RHOBTB3: variants seen among roughly 807,000 people sequenced by gnomAD.
RHOBTB3 encodes rho-related BTB domain-containing protein 3.
RHOBTB3 carries 47 observed loss-of-function variants against 67.2 expected under a neutral mutation model. The ratio of observed to expected loss-of-function variants is 0.70; its 90% CI spans 0.55 to 0.89. The LOEUF is 0.89. Ranked by LOEUF, RHOBTB3 falls within the 40% of genes least tolerant of loss-of-function variation. The pLI is 0.00. For missense variants in RHOBTB3, 631 were observed against 750.0 expected (o/e 0.84, Z 1.85); for synonymous variants, 273 against 274.2 (o/e 1.00, Z 0.04).
chr5:95,737,240 A>C (rs1755475966), intron 3 of RHOBTB3, among the ~76,000 whole-genome samples, 165 bp downstream of exon 3: 1 of 152,238 alleles, frequency 6.6e-6, no homozygotes, highest in African/African-American at 2.4e-5. Context: ...TAAAAAAACA[A>C]CAAAGGAGAG....
intron 5 of RHOBTB3, among the ~76,000 whole-genome samples, chr5:95,755,150 G>A (rs75885593): frequency 0.023 from 3,431 of 152,156 alleles, 110 homozygotes; most frequent in African/African-American, 0.074. Context: ...TAGTATTTGT[G>A]TGTCTGTGTT....
intron 4 of RHOBTB3, chr5:95,751,382 A>G (rs892778510): frequency 5.9e-5 from 9 of 151,884 alleles, no homozygotes; most frequent in African/African-American, 2.2e-4. Flanking sequence ...AATCCCAGTG[A>G]CTTGGAAGGC....
intron 11 of RHOBTB3, among the ~76,000 whole-genome samples, chr5:95,791,531 C>A (rs777441633): frequency 1.8e-4 from 27 of 152,078 alleles, no homozygotes; most frequent in Non-Finnish European, 3.2e-4. Flanking sequence ...CCTCTTGAAA[C>A]TTAGAGCTGA....
At chr5:95,773,623 G>T (rs907938183) in intron 8 of RHOBTB3, among the ~76,000 whole-genome samples, 4 of 152,202 alleles carry the variant, frequency 2.6e-5, no homozygotes, top group Non-Finnish European at 4.4e-5. Context: ...GATAACAAGA[G>T]GTTCTTTTTA....
intron 6 of RHOBTB3, 100 bp from the exon 7 acceptor site, chr5:95,763,403 AAAATT>A: frequency 1.5e-6 from 1 of 680,740 alleles, no homozygotes; most frequent in East Asian, 2.6e-5. Context: ...CTGGTAAAGA[AAAATT>A]AAAGCACTAA....
At chr5:95,739,606 A>G (rs1172418039) in intron 3 of RHOBTB3, among the ~76,000 whole-genome samples, 1 of 152,212 alleles carries the variant, frequency 6.6e-6, no homozygotes, top group African/African-American at 2.4e-5. Context: ...GCTGGAGTGC[A>G]GTGGCATGAT....
chr5:95,724,220 T>C (rs1279579854), intron 1 of RHOBTB3, among the ~76,000 whole-genome samples: 1 of 152,224 alleles, frequency 6.6e-6, no homozygotes, highest in African/African-American at 2.4e-5. Context: ...CTTAAAAAGA[T>C]ATGTGGAATT....
At chr5:95,763,264 G>A (rs1239375617) in intron 6 of RHOBTB3, among the ~76,000 whole-genome samples, 4 of 152,312 alleles carry the variant, frequency 2.6e-5, no homozygotes, top group Middle Eastern at 3.4e-3. Context: ...CCCACCTATT[G>A]CAGAGAGGTA....
chr5:95,768,246 T>C, intron 8 of RHOBTB3, 80 bp downstream of exon 8: 4 of 1,388,802 alleles, frequency 2.9e-6, no homozygotes, highest in East Asian at 2.3e-5. Context: ...CAGGTTTGAA[T>C]GTTTGGTGTG....
intron 8 of RHOBTB3, among the ~76,000 whole-genome samples, chr5:95,773,064 A>G (rs1382721099): frequency 6.6e-6 from 1 of 152,246 alleles, no homozygotes; most frequent in African/African-American, 2.4e-5. Flanking sequence ...GGTATCAAAC[A>G]TTATGTTAGC....
upstream of RHOBTB3, chr5:95,731,246 C>T: frequency 1.0e-6 from 1 of 1,004,864 alleles, no homozygotes; most frequent in Non-Finnish European, 1.2e-6. Flanking sequence ...GGGGCTGGCA[C>T]GTGCTGCGCC....
In RHOBTB3 at chr5:95,736,848, C is replaced by T. The variant is rs749087661; in HGVS notation, c.229-41C>T. The T allele has an allele frequency of 1.1e-5, 15 of 1,314,262 alleles. No individual in the cohort carries two copies. The African/African-American group carries it at 1.4e-4, about 12-fold the overall frequency. The allele number at this position is 1,314,262 out of a possible 1,614,324, so 81.4% of individuals were successfully genotyped here. A position where few individuals can be genotyped will look rare whatever the true frequency, so the allele number is the denominator to read the frequency against. On this transcript the variant is annotated intron_variant, in intron 2 of 11. Transcript: ENST00000379982. ...ATAAATTATTTCAGGATTGATTGGACGATAAGTAGACTAAAGATTGCTATT... is the reference window on the plus strand; with the variant it reads ...ATAAATTATTTCAGGATTGATTGGATGATAAGTAGACTAAAGATTGCTATT...
At chr5:95,769,077 T>C (rs1217550622) in intron 8 of RHOBTB3, 7 of 361,438 alleles carry the variant, frequency 1.9e-5, no homozygotes, top group Admixed American at 3.0e-5. Context: ...ATGCCAAACA[T>C]GTAAAATTTG....
chr5:95,781,299 A>G (rs1332776413), intron 9 of RHOBTB3: 1 of 152,234 alleles, frequency 6.6e-6, no homozygotes, highest in African/African-American at 2.4e-5. Flanking sequence ...GAACCTGGTC[A>G]GGCACCCTAA....
intron 8 of RHOBTB3, 200 bp from the exon 9 acceptor site, chr5:95,780,052 A>G (rs1056183260): frequency 4.2e-6 from 2 of 471,612 alleles, no homozygotes; most frequent in African/African-American, 3.9e-5. Flanking sequence ...GTTGGTTTCA[A>G]GGTCAACATC....
chr5:95,737,230 T>C (rs925674516), intron 3 of RHOBTB3, among the ~76,000 whole-genome samples, 155 bp downstream of exon 3: 10 of 152,194 alleles, frequency 6.6e-5, no homozygotes, highest in Admixed American at 2.6e-4. Context: ...TTTGATACGA[T>C]AAAAAAACAA....
chr5:95,787,652 A>G (rs1394016339), intron 10 of RHOBTB3, among the ~76,000 whole-genome samples: 7 of 152,238 alleles, frequency 4.6e-5, no homozygotes, highest in Admixed American at 2.0e-4. Context: ...TATATGTACA[A>G]TGGGATATTA....
At position 95,755,682 on chromosome 5, in the gene RHOBTB3, C is replaced by G; in HGVS notation, c.969C>G (p.Gly323=). Residue 323 remains glycine, a synonymous_variant, in exon 6 of 12, where the codon GGC becomes GGG. Transcript: ENST00000379982. ...AFPGASHESS[G]NPPLRVIVKD... Reference sequence around the variant, plus strand: ...CAGGTGCTAGCCATGAATCTTCAGGCAACCCACCATTACGAGTCATTGTTA... The same window carrying G: ...CAGGTGCTAGCCATGAATCTTCAGGGAACCCACCATTACGAGTCATTGTTA... 1 of 1,614,142 alleles carries G rather than the reference C, an allele frequency of 6.2e-7. No homozygotes were observed. Among genetic ancestry groups the G allele is most frequent in the Non-Finnish European group, 8.5e-7 (1 of 1,179,992 alleles).
intron 11 of RHOBTB3, chr5:95,789,680 G>A (rs755351921): frequency 3.9e-5 from 6 of 152,088 alleles, no homozygotes; most frequent in Non-Finnish European, 8.8e-5. Context: ...GTAGGGAGTG[G>A]GTGAGGAGAA....
Sources: gnomAD v4.1 joint callset for allele counts (sites outside exome capture counted in the v4.1 genomes callset) on GRCh38, gnomAD v4.1.1 for gene constraint, MANE v1.5 for transcripts, NCBI Gene and HGNC (gene_info 2026-07-23, HGNC 2026-07-21) for gene names.